IGF1R: variants seen among roughly 807,000 people sequenced by gnomAD.
The protein encoded by IGF1R is insulin-like growth factor 1 receptor.
Under a neutral mutation model 144.6 loss-of-function variants are expected in IGF1R, and 44 were observed. That is an observed-to-expected ratio of 0.30 (90% CI 0.24 to 0.39). IGF1R has a LOEUF of 0.39. Among genes scored for constraint, IGF1R ranks in the 10% least tolerant of loss-of-function variants. The pLI is 1.00. For synonymous variants in IGF1R, 795 were observed against 722.8 expected, an observed-to-expected ratio of 1.10 and a Z score of -1.60; for missense variants, 1,355 against 1,833.7, an observed-to-expected ratio of 0.74 and a Z score of 4.77.
intron 2 of IGF1R, among the ~76,000 whole-genome samples, chr15:98,736,124 T>G (rs762107144): frequency 2.8e-4 from 42 of 152,254 alleles, no homozygotes; most frequent in Non-Finnish European, 4.8e-4. Flanking sequence ...TGTAGCCAGC[T>G]GCCTAAAGAG....
intron 13 of IGF1R, among the ~76,000 whole-genome samples, 154 bp downstream of exon 13, chr15:98,924,838 G>T (rs1030868730): frequency 2.0e-5 from 3 of 152,164 alleles, no homozygotes; most frequent in African/African-American, 7.2e-5. Flanking sequence ...GCACATACCG[G>T]CACTGTGTGT....
At chr15:98,896,235 CT>C (rs1332069841) in intron 3 of IGF1R, among the ~76,000 whole-genome samples, 1 of 152,154 alleles carries the variant, frequency 6.6e-6, no homozygotes, top group Non-Finnish European at 1.5e-5. Context: ...TACCACATGC[CT>C]TTTGGTATCC....
At position 98,649,252 on chromosome 15, in the gene IGF1R, T is replaced by G. The variant is rs989350011; in HGVS notation, c.-330T>G. The G allele has an allele frequency of 1.4e-5, 3 of 213,772 alleles. No individual in the cohort carries two copies. The highest frequency in any genetic ancestry group is 1.9e-5 in the Non-Finnish European group (2 of 105,988). The allele number at this position is 213,772 out of a possible 1,614,324, so 13.2% of individuals were successfully genotyped here. ...GGCTTTGCCCCCTTTCTTTGCAGTT[T>G]TCCCCCCTTCCTGCCTCTCCGGGTT... On this transcript the variant is annotated 5_prime_UTR_variant, in exon 1 of 21. Transcript: ENST00000650285.
chr15:98,841,904 C>G (rs935469464), intron 2 of IGF1R, among the ~76,000 whole-genome samples: 3 of 152,226 alleles, frequency 2.0e-5, no homozygotes, highest in African/African-American at 7.2e-5. Flanking sequence ...GGGGCTTCTA[C>G]ACTGTTGGCC....
chr15:98,921,991 G>A (rs2015508332), intron 10 of IGF1R, among the ~76,000 whole-genome samples, 157 bp from the exon 11 acceptor site: 1 of 152,174 alleles, frequency 6.6e-6, no homozygotes, highest in African/African-American at 2.4e-5. Flanking sequence ...AGATAATGAG[G>A]AAGGACATCC....
chr15:98,779,595 GT>G (rs1047206189), intron 2 of IGF1R, among the ~76,000 whole-genome samples: 4 of 152,210 alleles, frequency 2.6e-5, no homozygotes, highest in African/African-American at 9.7e-5. Context: ...AAATTTTACT[GT>G]TTTGAGCTAC....
At chr15:98,676,913 T>A (rs1280040351) in intron 1 of IGF1R, among the ~76,000 whole-genome samples, 1 of 152,122 alleles carries the variant, frequency 6.6e-6, no homozygotes, top group Non-Finnish European at 1.5e-5. Flanking sequence ...TTTATATTTT[T>A]AAATTTTTTT....
intron 13 of IGF1R, among the ~76,000 whole-genome samples, chr15:98,925,576 A>C (rs1488673394): frequency 1.3e-5 from 2 of 152,202 alleles, no homozygotes; most frequent in Non-Finnish European, 2.9e-5. Flanking sequence ...CCTGGTGTCC[A>C]CATTTCTGCT....
At chr15:98,769,219 G>C (rs1476457826) in intron 2 of IGF1R, among the ~76,000 whole-genome samples, 1 of 152,142 alleles carries the variant, frequency 6.6e-6, no homozygotes. Flanking sequence ...TAACATTTCT[G>C]TACCTTTGTG....
intron 2 of IGF1R, among the ~76,000 whole-genome samples, chr15:98,837,009 T>G (rs2141519607): frequency 6.6e-6 from 1 of 152,354 alleles, no homozygotes; most frequent in Middle Eastern, 3.4e-3. Flanking sequence ...CAGTGTAAAT[T>G]TTCTGCTTTT....
At chr15:98,872,930 T>C (rs2012863126) in intron 2 of IGF1R, among the ~76,000 whole-genome samples, 2 of 152,194 alleles carry the variant, frequency 1.3e-5, no homozygotes, top group South Asian at 4.1e-4. Context: ...GTAGGCTGTT[T>C]CTAAATTTTT....
intron 1 of IGF1R, among the ~76,000 whole-genome samples, chr15:98,700,054 C>T (rs967134485): frequency 2.0e-5 from 3 of 152,212 alleles, no homozygotes; most frequent in Non-Finnish European, 4.4e-5. Context: ...TACACTTACA[C>T]AGAAAATTCT....
chr15:98,839,246 G>C (rs2011135431), intron 2 of IGF1R, among the ~76,000 whole-genome samples: 1 of 152,228 alleles, frequency 6.6e-6, no homozygotes, highest in African/African-American at 2.4e-5. Context: ...TTGAGGCACA[G>C]AAAGGTTAAG....
At chr15:98,887,021 G>C (rs1469824358) in intron 2 of IGF1R, among the ~76,000 whole-genome samples, 1 of 152,186 alleles carries the variant, frequency 6.6e-6, no homozygotes, top group Non-Finnish European at 1.5e-5. Flanking sequence ...CCCCCGCATA[G>C]AGCATGTGCT....
chr15:98,711,331 G>A (rs981210263), intron 2 of IGF1R, among the ~76,000 whole-genome samples: 19 of 152,206 alleles, frequency 1.2e-4, no homozygotes, highest in South Asian at 8.3e-4. Flanking sequence ...AACACGTCAA[G>A]GGTGTGTGTG....
chr15:98,838,507 A>G (rs1336672518), intron 2 of IGF1R, among the ~76,000 whole-genome samples: 2 of 152,242 alleles, frequency 1.3e-5, no homozygotes, highest in Non-Finnish European at 2.9e-5. Flanking sequence ...TTGAGAAGGT[A>G]GATGCGCCTG....
At chr15:98,949,475 T>C (rs933291512) in intron 20 of IGF1R, among the ~76,000 whole-genome samples, 4 of 147,496 alleles carry the variant, frequency 2.7e-5, no homozygotes, top group South Asian at 2.2e-4. Context: ...GCCTCCCGGG[T>C]TCAAGCAATT....
At chr15:98,722,461 G>C (rs1232229642) in intron 2 of IGF1R, among the ~76,000 whole-genome samples, 26 of 152,198 alleles carry the variant, frequency 1.7e-4, no homozygotes. Context: ...CAGGCATTTG[G>C]AATGTGGAGT....
intron 2 of IGF1R, among the ~76,000 whole-genome samples, chr15:98,845,517 TTCCTCCTCCCCCTCCTTCC>T (rs1371592728): frequency 2.5e-5 from 3 of 117,762 alleles, no homozygotes; most frequent in South Asian, 3.7e-4. Flanking sequence ...CTCCTCCTCC[TTCCTCCTCCCCCTCCTTCC>T]TCCTCCTCCC....
Sources: allele counts gnomAD v4.1 joint callset (sites outside exome capture counted in the v4.1 genomes callset), GRCh38; gene constraint gnomAD v4.1.1; transcripts MANE v1.5; gene names NCBI Gene and HGNC (gene_info 2026-07-23, HGNC 2026-07-21).